Variants in AKT1 observed in about 807,000 individuals in gnomAD.
AKT1 encodes AKT serine/threonine kinase 1.
A neutral mutation model predicts 63.1 loss-of-function variants in AKT1; 21 were observed. That is an observed-to-expected ratio of 0.33 (90% CI 0.24 to 0.48). The LOEUF is 0.48. Ranked by LOEUF, AKT1 falls within the 20% of genes least tolerant of loss-of-function variation. The probability of loss-of-function intolerance (pLI) is 0.99; values close to 1 mark genes in which losing one functional copy is unlikely to be tolerated. For synonymous variants in AKT1, 257 were observed against 253.1 expected (o/e 1.02, Z -0.15); for missense variants, 382 against 666.0 (o/e 0.57, Z 4.69).
intron 3 of AKT1, among the ~76,000 whole-genome samples, chr14:104,781,182 G>C (rs1318183957): frequency 6.6e-6 from 1 of 152,036 alleles, no homozygotes; most frequent in Non-Finnish European, 1.5e-5. Context: ...CAAGGAGTTT[G>C]AACAACAGGG....
At chr14:104,777,562 C>CACAT in intron 4 of AKT1, 1 of 1,012,484 alleles carries the variant, frequency 9.9e-7, no homozygotes. Flanking sequence ...ACCTGGGGAA[C>CACAT]ACATACCTGG....
chr14:104,794,189 A>T (rs1893768958), intron 1 of AKT1: 1 of 152,214 alleles, frequency 6.6e-6, no homozygotes, highest in Non-Finnish European at 1.5e-5. Flanking sequence ...GCACCGCAGG[A>T]CTCCGAGGGC....
chr14:104,774,219 T>C (rs1183481582), intron 8 of AKT1: 11 of 506,798 alleles, frequency 2.2e-5, no homozygotes, highest in Admixed American at 1.5e-4. Flanking sequence ...ACTGCCCCCA[T>C]GCCACGCTGC....
chr14:104,781,535 A>G (rs1893041127), intron 3 of AKT1, among the ~76,000 whole-genome samples: 1 of 151,880 alleles, frequency 6.6e-6, no homozygotes, highest in South Asian at 2.1e-4. Flanking sequence ...GCCACGGGGG[A>G]GTTCTTTAAT....
chr14:104,790,724 CA>C (rs1893585881), intron 3 of AKT1, among the ~76,000 whole-genome samples: 1 of 152,162 alleles, frequency 6.6e-6, no homozygotes, highest in African/African-American at 2.4e-5. Context: ...GGTAGAGGTA[CA>C]GGACCCTCTC....
At chr14:104,793,435 A>G in intron 1 of AKT1, 131 bp from the exon 2 acceptor site, 1 of 203,380 alleles carries the variant, frequency 4.9e-6, no homozygotes, top group Non-Finnish European at 1.0e-5. Context: ...CCCCTCCTAA[A>G]CCACAGCGCC....
At chr14:104,784,266 A>G (rs1893220256) in intron 3 of AKT1, among the ~76,000 whole-genome samples, 1 of 152,274 alleles carries the variant, frequency 6.6e-6, no homozygotes, top group East Asian at 1.9e-4. Context: ...TGAAGCCACA[A>G]GGGCAGGGGC....
chr14:104,785,734 C>G (rs541254265), intron 3 of AKT1, among the ~76,000 whole-genome samples: 1 of 152,198 alleles, frequency 6.6e-6, no homozygotes, highest in Non-Finnish European at 1.5e-5. Context: ...TTCTTCACCT[C>G]CTTCCGCTCC....
intron 4 of AKT1, among the ~76,000 whole-genome samples, chr14:104,779,870 CT>C (rs1259761762): frequency 6.6e-6 from 1 of 151,634 alleles, no homozygotes; most frequent in East Asian, 1.9e-4. Flanking sequence ...AGCCTGGAGA[CT>C]CCCACCCAGC....
intron 3 of AKT1, among the ~76,000 whole-genome samples, chr14:104,790,727 G>A (rs568285355): frequency 1.3e-5 from 2 of 152,308 alleles, no homozygotes; most frequent in South Asian, 4.1e-4. Context: ...AGAGGTACAG[G>A]ACCCTCTCTC....
In AKT1 at chr14:104,769,444, C is replaced by A. The variant is rs1025273425; in HGVS notation, c.*897G>T. On this transcript the variant is annotated 3_prime_UTR_variant, in exon 15 of 15. Coordinates refer to ENST00000649815, the MANE Select transcript of AKT1 (RefSeq NM_001382430.1). ...AAAGTTGAATGTTGTAAAAAAACGC[C>A]GTGGTGCAGCGGCAGCGGCAGCGTC... 2.4e-6 allele frequency: 1 copy of A among 412,450 alleles called. No individual in the cohort carries two copies. The highest frequency in any genetic ancestry group is 4.6e-6 in the Non-Finnish European group (1 of 216,960). 25.5% of individuals were successfully genotyped at this position (412,450 alleles called of 1,614,324 possible).
rs1300896992 is a variant in AKT1 at position 104,773,599 on chromosome 14, G to C, written c.703-19C>G. The C allele has an allele frequency of 1.9e-6, 3 of 1,597,224 alleles. No individual in the cohort carries two copies. The highest frequency in any genetic ancestry group is 2.6e-6 in the Non-Finnish European group (3 of 1,172,656). On this transcript the variant is annotated intron_variant, in intron 9 of 14. Coordinates refer to ENST00000649815, the MANE Select transcript of AKT1 (RefSeq NM_001382430.1). ...AGAACAGCTGCGGGAGGCGCAACCTGAGGCACAGCCGTGGCTCGGGCCTCT... is the reference window on the plus strand; with the variant it reads ...AGAACAGCTGCGGGAGGCGCAACCTCAGGCACAGCCGTGGCTCGGGCCTCT...
chr14:104,772,580 G>A (rs1892455334), intron 12 of AKT1, 128 bp from the exon 13 acceptor site: 5 of 925,136 alleles, frequency 5.4e-6, no homozygotes, highest in Non-Finnish European at 8.3e-6. Flanking sequence ...GGGAGCCGGT[G>A]GTGCAGCGTC....
intron 12 of AKT1, 60 bp from the exon 13 acceptor site, chr14:104,772,512 AG>A: frequency 6.4e-7 from 1 of 1,559,442 alleles, no homozygotes; most frequent in Admixed American, 1.7e-5. Context: ...CCCTGGGTTC[AG>A]GCCCCTTCCT....
intron 3 of AKT1, among the ~76,000 whole-genome samples, chr14:104,786,132 C>G (rs952831202): frequency 6.6e-6 from 1 of 152,186 alleles, no homozygotes; most frequent in Non-Finnish European, 1.5e-5. Context: ...CCAAACAAGC[C>G]CCACCCATGT....
At position 104,773,578 on chromosome 14, in the gene AKT1, C is replaced by T. The variant is rs769090254; in HGVS notation, c.705G>A (p.Leu235=). The T allele has an allele frequency of 4.4e-6, 7 of 1,604,392 alleles. No individual in the cohort carries two copies. Among genetic ancestry groups the T allele is most frequent in the Non-Finnish European group, 6.0e-6 (7 of 1,176,086 alleles). ...CACGCTCCCGGGACAGGTGGAAGAA[C>T]AGCTGCGGGAGGCGCAACCTGAGGC... ...FVMEYANGGE[L]FFHLSRERVF... The change falls in exon 10 of 15, where the codon CTG becomes CTA. Residue 235 remains leucine, a splice_region_variant and synonymous_variant. Transcript: ENST00000649815.
intron 8 of AKT1, chr14:104,774,663 C>T: frequency 2.0e-6 from 1 of 494,520 alleles, no homozygotes; most frequent in Non-Finnish European, 3.6e-6. Flanking sequence ...GCATGGGGAG[C>T]TGGGGCCTCC....
chr14:104,783,403 G>A (rs904230876), intron 3 of AKT1, among the ~76,000 whole-genome samples: 36 of 152,220 alleles, frequency 2.4e-4, no homozygotes, highest in Admixed American at 1.2e-3. Flanking sequence ...ACTGGAACCA[G>A]GCAGTAGGGA....
At position 104,776,789 on chromosome 14, in the gene AKT1, T is replaced by C. The variant is rs1226877923; in HGVS notation, c.176-19A>G. 7 of 1,604,690 alleles carry C rather than the reference T, an allele frequency of 4.4e-6. No homozygotes were observed. The highest frequency in any genetic ancestry group is 6.0e-6 in the Non-Finnish European group (7 of 1,174,380). Reference sequence around the variant, plus strand: ...TGGCACTCTGCGGGCAGGCAGAGCCTCTGTCTGCGTGCATCCCCCTGCCCC... The same window carrying C: ...TGGCACTCTGCGGGCAGGCAGAGCCCCTGTCTGCGTGCATCCCCCTGCCCC... On this transcript the variant is annotated intron_variant, in intron 4 of 14. Coordinates refer to ENST00000649815, the MANE Select transcript of AKT1 (RefSeq NM_001382430.1).
Sources: gnomAD v4.1 joint callset for allele counts (sites outside exome capture counted in the v4.1 genomes callset) on GRCh38, gnomAD v4.1.1 for gene constraint, MANE v1.5 for transcripts, NCBI Gene and HGNC (gene_info 2026-07-23, HGNC 2026-07-21) for gene names.